IL12RB1: variants seen among roughly 807,000 people sequenced by gnomAD.
IL12RB1 encodes the protein interleukin-12 receptor subunit beta-1.
IL12RB1 carries 64 observed loss-of-function variants against 94.4 expected under a neutral mutation model. The observed-to-expected ratio is 0.68, with a 90% CI of 0.55 to 0.83. The LOEUF is 0.83. Ranked by LOEUF, IL12RB1 falls within the 40% of genes least tolerant of loss-of-function variation. The pLI, the probability that IL12RB1 is intolerant of heterozygous loss-of-function variation, is 0.00. For missense variants in IL12RB1, 814 were observed against 855.6 expected (o/e 0.95, Z 0.61); for synonymous variants, 362 against 355.5 (o/e 1.02, Z -0.21).
At chr19:18,090,497 C>T (rs138875585), upstream of IL12RB1, among the ~76,000 whole-genome samples, 4 of 152,298 alleles carry the variant, frequency 2.6e-5, no homozygotes, top group East Asian at 7.7e-4. Context: ...TCCAGGGGCA[C>T]TCAGACCACC....
At position 18,076,314 on chromosome 19, in the gene IL12RB1, G is replaced by T. The variant is rs1181650825; in HGVS notation, c.563C>A (p.Pro188His). ...ATTCTCACCAGTATCATCATCCTGA[G>T]GTCCGCAGTCGCCCTAGAATAAAAA... ...SSPWKLGDCG[P>H]QDDDTESCLC... The change falls in exon 6 of 17, where the codon CCT becomes CAT. Residue 188 changes from proline (P) to histidine (H), a missense_variant. Physicochemically the swap from Pro to His is moderately conservative, Grantham distance 77. Coordinates refer to ENST00000593993, the MANE Select transcript of IL12RB1 (RefSeq NM_005535.3). 4.2e-6 allele frequency: 6 copies of T among 1,435,112 alleles called. No homozygotes were observed. The highest frequency in any genetic ancestry group is 1.7e-4 in the Middle Eastern group (1 of 5,744). 88.9% of individuals were successfully genotyped at this position (1,435,112 alleles called of 1,614,324 possible). A position where few individuals can be genotyped will look rare whatever the true frequency, so the allele number is the denominator to read the frequency against.
intron 2 of IL12RB1, 45 bp from the exon 3 acceptor site, chr19:18,082,309 G>A (rs146620062): frequency 9.3e-5 from 104 of 1,120,818 alleles, no homozygotes; most frequent in South Asian, 3.6e-4. Context: ...GAGTCTGGAG[G>A]GGTCTTCGTG....
chr19:18,069,515 G>A, intron 10 of IL12RB1, 31 bp downstream of exon 10: 1 of 1,574,378 alleles, frequency 6.4e-7, no homozygotes, highest in South Asian at 1.1e-5. Context: ...GCACAGAGGA[G>A]GGGTAGGCGC....
intron 12 of IL12RB1, among the ~76,000 whole-genome samples, chr19:18,065,824 GA>G (rs1010101617): frequency 2.7e-5 from 4 of 148,440 alleles, no homozygotes; most frequent in African/African-American, 5.0e-5. Flanking sequence ...CTCTCAAAAA[GA>G]AAAAAAAGAA....
At chr19:18,080,375 A>G (rs2035806457) in intron 4 of IL12RB1, among the ~76,000 whole-genome samples, 1 of 152,102 alleles carries the variant, frequency 6.6e-6, no homozygotes, top group African/African-American at 2.4e-5. Context: ...AGTAGCTGGG[A>G]CTACAGGCGC....
At chr19:18,061,417 G>C (rs1003114809) in intron 14 of IL12RB1, among the ~76,000 whole-genome samples, 4 of 152,078 alleles carry the variant, frequency 2.6e-5, no homozygotes, top group African/African-American at 9.7e-5. Flanking sequence ...TTTTGGTAGA[G>C]AGAGGTTTCG....
At chr19:18,076,669 G>A (rs950950699) in intron 5 of IL12RB1, among the ~76,000 whole-genome samples, 1 of 152,086 alleles carries the variant, frequency 6.6e-6, no homozygotes, top group Non-Finnish European at 1.5e-5. Context: ...GCCTCCCAAA[G>A]CACTGGGATT....
chr19:18,062,998 TTCC>T (rs66462934), intron 13 of IL12RB1, among the ~76,000 whole-genome samples: 30,007 of 90,600 alleles, frequency 0.33, 4,572 homozygotes, highest in African/African-American at 0.46. Flanking sequence ...TGTTGTTCTC[TTCC>T]TCCTCCTCCT....
chr19:18,069,597 G>A lies in IL12RB1; in HGVS notation c.1138C>T (p.Leu380Phe). 1 of 1,612,722 alleles carries A rather than the reference G, an allele frequency of 6.2e-7. No individual in the cohort carries two copies. The highest frequency in any genetic ancestry group is 8.5e-7 in the Non-Finnish European group (1 of 1,179,870). Reference protein sequence around the residue: ...EWQPVGQDGGLATCSLTAPQD... With the variant: ...EWQPVGQDGGFATCSLTAPQD... The stretch of plus-strand genomic sequence containing the variant: ...GGCGCAGTCAGGCTGCAGGTGGCAA[G>A]GCCCCCGTCCTGGCCCACAGGCTGC... Residue 380 changes from leucine (L) to phenylalanine (F), a missense_variant, in exon 10 of 17, where the codon CTT becomes TTT. Transcript: ENST00000593993.
In IL12RB1 at chr19:18,072,202, C is replaced by T. The variant is rs1164781997; in HGVS notation, c.931G>A (p.Gly311Ser). The change falls in exon 9 of 17, where the codon GGT becomes AGT. Residue 311 changes from glycine to serine, a missense_variant. Transcript: ENST00000593993. Reference protein sequence around the residue: ...LHLGKMPYLSGAAYNVAVISS... With the variant: ...LHLGKMPYLSSAAYNVAVISS... The stretch of plus-strand genomic sequence containing the variant: ...ATGACAGCCACGTTGTAGGCAGCAC[C>T]CGAGAGATAGGGCATCTTCCCCAGG... 1 of 1,614,130 alleles carries T rather than the reference C, an allele frequency of 6.2e-7. No individual in the cohort carries two copies. The highest frequency in any genetic ancestry group is 2.2e-5 in the East Asian group (1 of 44,888).
At chr19:18,093,582 CCT>C (rs2036744305) in intron 1 of IL12RB1, among the ~76,000 whole-genome samples, 2 of 152,118 alleles carry the variant, frequency 1.3e-5, no homozygotes, top group African/African-American at 4.8e-5. Flanking sequence ...GTTCAGGGAA[CCT>C]CTCTTTCCCC....
At chr19:18,074,115 G>C (rs115156679) in intron 7 of IL12RB1, among the ~76,000 whole-genome samples, 1 of 152,170 alleles carries the variant, frequency 6.6e-6, no homozygotes, top group African/African-American at 2.4e-5. Flanking sequence ...GAGCCACTGC[G>C]CCTGGCCTCT....
chr19:18,087,419 A>G (rs2036417524), upstream of IL12RB1, among the ~76,000 whole-genome samples: 1 of 152,072 alleles, frequency 6.6e-6, no homozygotes, highest in Non-Finnish European at 1.5e-5. Context: ...CATGCTGGCC[A>G]GGCTGGTCTC....
Position 18,082,231 on chromosome 19 carries a change from T to C in IL12RB1, c.158A>G (p.Tyr53Cys), listed in dbSNP as rs1300166633. ...SASGPRDLRC[Y>C]RISSDRYECS... is the part of the protein sequence containing the mutation. The stretch of plus-strand genomic sequence containing the variant: ...CTCGTAACGATCACTGGATATCCGA[T>C]AGCATCTCAGGTCCCTAGGGCCCGA... Residue 53 changes from tyrosine (Y) to cysteine (C), a missense_variant, in exon 3 of 17, where the codon TAT becomes TGT. Transcript: ENST00000593993. 2 of 1,613,134 alleles carry C rather than the reference T, an allele frequency of 1.2e-6. No homozygotes were observed. The highest frequency in any genetic ancestry group is 1.3e-5 in the African/African-American group (1 of 74,866).
chr19:18,064,127 ACT>A, intron 12 of IL12RB1, 117 bp from the exon 13 acceptor site: 1 of 473,188 alleles, frequency 2.1e-6, no homozygotes, highest in Non-Finnish European at 3.7e-6. Flanking sequence ...TAAAATCTCT[ACT>A]CTTTCTTTCT....
Position 18,077,498 on chromosome 19 carries a change from C to T in IL12RB1, c.549+18G>A. The T allele has an allele frequency of 6.2e-7, 1 of 1,600,834 alleles. No individual in the cohort carries two copies. Among genetic ancestry groups the T allele is most frequent in the Non-Finnish European group, 8.5e-7 (1 of 1,172,286 alleles). On this transcript the variant is annotated intron_variant, in intron 5 of 16. Transcript: ENST00000593993. Reference sequence around the variant, plus strand: ...TGGAGAGGCCCGTGTCCACCCTGGACTTGGGAAACAAACTCACCAACTTCC... The same window carrying T: ...TGGAGAGGCCCGTGTCCACCCTGGATTTGGGAAACAAACTCACCAACTTCC...
rs2146120907 is a variant in IL12RB1, at chr19:18,063,863, C to T, written c.1618+13G>A. On this transcript the variant is annotated intron_variant, in intron 13 of 16. Transcript: ENST00000593993. ...TGCTGGGTAAATAACTGGGTCCTACCCCCTCCACTCACCGATGCTGAAGCG... is the reference window on the plus strand; with the variant it reads ...TGCTGGGTAAATAACTGGGTCCTACTCCCTCCACTCACCGATGCTGAAGCG... 2.5e-6 allele frequency: 4 copies of T among 1,611,996 alleles called. No individual in the cohort carries two copies. Among genetic ancestry groups the T allele is most frequent in the Non-Finnish European group, 3.4e-6 (4 of 1,178,896 alleles).
At chr19:18,081,249 C>T (rs1304176722) in intron 3 of IL12RB1, among the ~76,000 whole-genome samples, 1 of 152,016 alleles carries the variant, frequency 6.6e-6, no homozygotes, top group African/African-American at 2.4e-5. Flanking sequence ...GCACATGCCA[C>T]CACATGCGTC....
At chr19:18,071,387 A>T in intron 9 of IL12RB1, 1 of 970,338 alleles carries the variant, frequency 1.0e-6, no homozygotes, top group Non-Finnish European at 1.4e-6. Context: ...GGTCAACTCT[A>T]GCCTTTTTTC....
Sources: allele counts gnomAD v4.1 joint callset (sites outside exome capture counted in the v4.1 genomes callset), GRCh38; gene constraint gnomAD v4.1.1; transcripts MANE v1.5; gene names NCBI Gene and HGNC (gene_info 2026-07-23, HGNC 2026-07-21).